Variants in ADAMTS6 observed in about 807,000 individuals in gnomAD.
ADAMTS6 encodes the protein ADAM metallopeptidase with thrombospondin type 1 motif 6, also known as A disintegrin and metalloproteinase with thrombospondin motifs 6.
A neutral mutation model predicts 144.3 loss-of-function variants in ADAMTS6; 23 were observed. The observed-to-expected ratio is 0.16, with a 90% CI of 0.11 to 0.23. The LOEUF (loss-of-function observed/expected upper bound fraction) is 0.23, where lower values mean the gene tolerates loss of function less well. Among genes scored for constraint, ADAMTS6 ranks in the 10% least tolerant of loss-of-function variants. The pLI, the probability that ADAMTS6 is intolerant of heterozygous loss-of-function variation, is 1.00. For synonymous variants in ADAMTS6, 444 were observed against 457.5 expected (o/e 0.97, Z 0.38); for missense variants, 999 against 1,379.6 (o/e 0.72, Z 4.37).
At chr5:65,175,330 AAAAG>A (rs1364367982) in intron 22 of ADAMTS6, among the ~76,000 whole-genome samples, 1 of 152,104 alleles carries the variant, frequency 6.6e-6, no homozygotes, top group African/African-American at 2.4e-5. Flanking sequence ...AGCAAAGTCA[AAAAG>A]AGAGAGACAG....
chr5:65,437,979 T>C (rs925861488), intron 7 of ADAMTS6, among the ~76,000 whole-genome samples: 1 of 152,214 alleles, frequency 6.6e-6, no homozygotes, highest in South Asian at 2.1e-4. Flanking sequence ...ATTTAAATGT[T>C]ACCCCTTTGA....
chr5:65,361,312 T>C (rs1160925349), intron 7 of ADAMTS6, among the ~76,000 whole-genome samples: 2 of 152,200 alleles, frequency 1.3e-5, no homozygotes, highest in Non-Finnish European at 2.9e-5. Context: ...TGTACAATTA[T>C]GCCGAGTGTC....
At chr5:65,335,449 A>C (rs1747212512) in intron 7 of ADAMTS6, among the ~76,000 whole-genome samples, 1 of 152,156 alleles carries the variant, frequency 6.6e-6, no homozygotes, top group Admixed American at 6.6e-5. Flanking sequence ...CTTGCAACAT[A>C]GTGTGTTATG....
chr5:65,315,744 A>G (rs2112859695), intron 9 of ADAMTS6, among the ~76,000 whole-genome samples: 1 of 146,758 alleles, frequency 6.8e-6, no homozygotes, highest in East Asian at 1.9e-4. Context: ...GAAAATTCTC[A>G]TGGATAAGAA....
chr5:65,175,631 A>G (rs1753928494), intron 22 of ADAMTS6, among the ~76,000 whole-genome samples: 1 of 152,138 alleles, frequency 6.6e-6, no homozygotes, highest in Admixed American at 6.5e-5. Context: ...TTGCTAACAG[A>G]AGAAAGTAAA....
In ADAMTS6 at chr5:65,214,876, A is replaced by C; in HGVS notation, c.2493T>G (p.Thr831=). The change falls in exon 20 of 25, where the codon ACT becomes ACG. Residue 831 remains threonine, a synonymous_variant. Coordinates refer to ENST00000381055, the MANE Select transcript of ADAMTS6 (RefSeq NM_197941.4). The surrounding 1 kb of genome is among the most constrained non-coding windows in gnomAD (Gnocchi z 4.6). ...GIRYKFNVPI[T]RTGSGDNEVG... is the part of the protein sequence containing the mutation. Reference sequence around the variant, plus strand: ...CTTCATTATCTCCACTGCCAGTTCGAGTGATGGGAACATTGAACTTATACC... The same window carrying C: ...CTTCATTATCTCCACTGCCAGTTCGCGTGATGGGAACATTGAACTTATACC... 6.2e-7 allele frequency: 1 copy of C among 1,614,184 alleles called. No individual in the cohort carries two copies. Among genetic ancestry groups the C allele is most frequent in the Non-Finnish European group, 8.5e-7 (1 of 1,180,012 alleles).
At chr5:65,237,187 A>G (rs190043332) in intron 15 of ADAMTS6, among the ~76,000 whole-genome samples, 3 of 152,096 alleles carry the variant, frequency 2.0e-5, no homozygotes, top group Admixed American at 2.0e-4. Context: ...TGAGCTTAGG[A>G]GTTTGAGAAC....
intron 9 of ADAMTS6, among the ~76,000 whole-genome samples, chr5:65,319,667 AAGGAAGGGAGGGAGGGAGGGAAGG>A (rs1745352041): frequency 2.4e-5 from 3 of 126,678 alleles, no homozygotes; most frequent in Non-Finnish European, 3.3e-5. Context: ...ACAAAAAAAA[AAGGAAGGGAGGGAGGGAGGGAAGG>A]AAGGAAGGGA....
chr5:65,223,663 AT>A (rs576179998), intron 18 of ADAMTS6, among the ~76,000 whole-genome samples: 204 of 152,276 alleles, frequency 1.3e-3, no homozygotes, highest in Non-Finnish European at 2.6e-3. Flanking sequence ...AGGCTGAATA[AT>A]ATTCTATTGC....
At chr5:65,424,076 A>C (rs1435797926) in intron 7 of ADAMTS6, among the ~76,000 whole-genome samples, 1 of 152,206 alleles carries the variant, frequency 6.6e-6, no homozygotes, top group African/African-American at 2.4e-5. Context: ...CAACAATATA[A>C]AACTAAAGAG....
chr5:65,280,229 G>A (rs1762883989), intron 11 of ADAMTS6, among the ~76,000 whole-genome samples: 1 of 152,166 alleles, frequency 6.6e-6, no homozygotes, highest in African/African-American at 2.4e-5. Flanking sequence ...TCTGTGGTTT[G>A]TAATGCTTCC....
chr5:65,328,169 A>C (rs1462196576), intron 9 of ADAMTS6, among the ~76,000 whole-genome samples: 3 of 152,150 alleles, frequency 2.0e-5, no homozygotes, highest in Non-Finnish European at 4.4e-5. Flanking sequence ...CACCTAAATC[A>C]TATCAACTTG....
At position 65,185,616 on chromosome 5, in the gene ADAMTS6, G is replaced by A. The variant is rs115548049; in HGVS notation, c.2910+2400C>T. 8.9e-3 allele frequency among the ~76,000 whole-genome samples: 1,358 copies of A among 152,240 alleles called. 14 individuals are homozygous for A. Among genetic ancestry groups the A allele is most frequent in the Middle Eastern group, 0.037 (11 of 294 alleles). On this transcript the variant is annotated intron_variant, in intron 22 of 24. Coordinates refer to ENST00000381055, the MANE Select transcript of ADAMTS6 (RefSeq NM_197941.4). ...ATGTTAAAGAGTATTGCAGAAATGCGATTAAAAGTGTCCTCAGCTTAGATG... is the reference window on the plus strand; with the variant it reads ...ATGTTAAAGAGTATTGCAGAAATGCAATTAAAAGTGTCCTCAGCTTAGATG...
At chr5:65,453,476 A>G (rs1356063260) in intron 4 of ADAMTS6, among the ~76,000 whole-genome samples, 3 of 152,254 alleles carry the variant, frequency 2.0e-5, no homozygotes, top group Admixed American at 2.0e-4. Flanking sequence ...TTGGCAGTCT[A>G]CAACTCTTTA....
intron 11 of ADAMTS6, among the ~76,000 whole-genome samples, chr5:65,291,038 G>A (rs1037416085): frequency 2.6e-5 from 4 of 151,906 alleles, no homozygotes; most frequent in African/African-American, 9.7e-5. Flanking sequence ...TTCAAAAGAC[G>A]AAATAAAGTT....
chr5:65,433,289 T>C (rs894053446), intron 7 of ADAMTS6, among the ~76,000 whole-genome samples: 2 of 152,122 alleles, frequency 1.3e-5, no homozygotes, highest in African/African-American at 4.8e-5. Flanking sequence ...TATGCCTCCT[T>C]ACCAGGTGCT....
intron 14 of ADAMTS6, among the ~76,000 whole-genome samples, chr5:65,248,524 G>T (rs1348132787): frequency 6.6e-6 from 1 of 152,104 alleles, no homozygotes; most frequent in African/African-American, 2.4e-5. Context: ...AACAGGTCAG[G>T]CATAATGGCT....
At chr5:65,235,890 C>T (rs115768707) in intron 15 of ADAMTS6, among the ~76,000 whole-genome samples, 117 of 152,212 alleles carry the variant, frequency 7.7e-4, no homozygotes, top group African/African-American at 2.6e-3. Context: ...TAACCAATTA[C>T]CTTAAGTTAA....
intron 7 of ADAMTS6, among the ~76,000 whole-genome samples, chr5:65,395,905 CTA>C (rs1753295815): frequency 6.6e-6 from 1 of 152,180 alleles, no homozygotes; most frequent in South Asian, 2.1e-4. Context: ...GGCACAGTAA[CTA>C]TGACAGCTAT....
Sources: allele counts gnomAD v4.1 joint callset (sites outside exome capture counted in the v4.1 genomes callset), GRCh38; gene constraint gnomAD v4.1.1; non-coding constraint Gnocchi (gnomAD v3.1); transcripts MANE v1.5; gene names NCBI Gene and HGNC (gene_info 2026-07-23, HGNC 2026-07-21).